TSC2: variants seen among roughly 807,000 people sequenced by gnomAD.
TSC2 encodes TSC complex subunit 2.
A neutral mutation model predicts 202.2 loss-of-function variants in TSC2; 29 were observed. The ratio of observed to expected loss-of-function variants is 0.14; its 90% confidence interval spans 0.11 to 0.20. The LOEUF (loss-of-function observed/expected upper bound fraction) is 0.20, where lower values mean the gene tolerates loss of function less well. TSC2 is among the 10% of genes least tolerant of loss of function. The pLI is 1.00. For missense variants in TSC2, 2,429 were observed against 2,420.0 expected (o/e 1.00, Z -0.08); for synonymous variants, 1,349 against 1,044.0 (o/e 1.29, Z -5.63).
In TSC2 at chr16:2,088,600, A is replaced by G. The variant is rs2091219993; in HGVS notation, c.5414A>G (p.Glu1805Gly). ...RLISSVEDFT[E>G]FV ...ATCTCCTCGGTGGAGGACTTCACCG[A>G]GTTTGTGTGAGGCCGGGGCCCTCCC... Residue 1805 changes from glutamate (E) to glycine (G), a missense_variant, in exon 42 of 42, where the codon GAG becomes GGG. Physicochemically the swap from Glu to Gly is moderately conservative, Grantham distance 98 (BLOSUM62 -2). Coordinates refer to ENST00000219476, the MANE Select transcript of TSC2 (RefSeq NM_000548.5). 6.2e-7 allele frequency: 1 copy of G among 1,604,200 alleles called. No individual in the cohort carries two copies. Among genetic ancestry groups the G allele is most frequent in the East Asian group, 2.2e-5 (1 of 44,826 alleles).
In TSC2 at chr16:2,088,819, C is replaced by T. The variant is rs911585648; in HGVS notation, c.*209C>T. ...CAGAAGTGGTACACAGAAGCAGGCACAGCCAGCTCCGAGGGCCTTGAGGCT... is the reference window on the plus strand; with the variant it reads ...CAGAAGTGGTACACAGAAGCAGGCATAGCCAGCTCCGAGGGCCTTGAGGCT... On this transcript the variant is annotated 3_prime_UTR_variant, in exon 42 of 42. Transcript: ENST00000219476. 1.5e-6 allele frequency: 1 copy of T among 675,104 alleles called. No homozygotes were observed. The highest frequency in any genetic ancestry group is 2.4e-6 in the Non-Finnish European group (1 of 408,358). 41.8% of individuals were successfully genotyped at this position (675,104 alleles called of 1,614,324 possible). A position where few individuals can be genotyped will look rare whatever the true frequency, so the allele number is the denominator to read the frequency against.
chr16:2,061,933 G>T lies in TSC2; in HGVS notation c.1182G>T (p.Leu394=), dbSNP rs779951754. 6.2e-7 allele frequency: 1 copy of T among 1,614,204 alleles called. No individual in the cohort carries two copies. Among genetic ancestry groups the T allele is most frequent in the South Asian group, 1.1e-5 (1 of 91,088 alleles). ...VHDLLTTVEE[L]CDQNEFHGSQ... is the part of the protein sequence containing the mutation. ...ACCTGTTGACCACGGTGGAGGAGCT[G>T]TGTGACCAGAACGAGTTCCACGGGT... Residue 394 remains leucine (L), a synonymous_variant, in exon 12 of 42, where the codon CTG becomes CTT. Transcript: ENST00000219476.
In TSC2 at chr16:2,075,912, C is replaced by A. The variant is rs764337376; in HGVS notation, c.2639+20C>A. The stretch of plus-strand genomic sequence containing the variant: ...CTCCAAGTGAGTGGTCGCCCCAGGC[C>A]CTGTGCCTCCCAGCCGTGGCCCCCG... On this transcript the variant is annotated intron_variant, in intron 23 of 41. Transcript: ENST00000219476. 6.8e-6 allele frequency: 11 copies of A among 1,612,932 alleles called. No individual in the cohort carries two copies. The East Asian group carries it at 2.4e-4, about 36-fold the overall frequency.
chr16:2,086,957 G>C, intron 38 of TSC2, 86 bp downstream of exon 38: 1 of 1,536,402 alleles, frequency 6.5e-7, no homozygotes. Context: ...TCCTCCCTGA[G>C]CTTCGGTCAC....
At chr16:2,083,470 C>A (rs1265299583) in intron 32 of TSC2, 16 of 733,352 alleles carry the variant, frequency 2.2e-5, no homozygotes, top group Non-Finnish European at 3.7e-5. Flanking sequence ...GATTGCCTGC[C>A]CAACCCCCGG....
At chr16:2,056,539 G>A (rs2151074736) in intron 7 of TSC2, 105 bp from the exon 8 acceptor site, 1 of 1,506,852 alleles carries the variant, frequency 6.6e-7, no homozygotes, top group Non-Finnish European at 8.9e-7. Flanking sequence ...GCAGCGGGGA[G>A]AGGTGGCAGC....
At chr16:2,048,455 G>A in intron 1 of TSC2, 132 bp from the exon 2 acceptor site, 2 of 1,186,068 alleles carry the variant, frequency 1.7e-6, no homozygotes, top group Non-Finnish European at 1.2e-6. Context: ...CTGTAGTTGA[G>A]TTCTCCCAGG....
rs777489742 is a variant in TSC2, at chr16:2,081,717, C to A, written c.3733C>A (p.Arg1245=). 16 of 1,612,848 alleles carry A rather than the reference C, an allele frequency of 9.9e-6. No individual in the cohort carries two copies. The Admixed American group carries it at 1.8e-4, about 18-fold the overall frequency. ...LMAAERFKEH[R]DTALYKSLSV... Reference sequence around the variant, plus strand: ...GGCGGCTGAGCGCTTCAAGGAGCACCGGGACACAGCCCTGTACAAGTCACT... The same window carrying A: ...GGCGGCTGAGCGCTTCAAGGAGCACAGGGACACAGCCCTGTACAAGTCACT... Residue 1245 remains arginine, a synonymous_variant, in exon 31 of 42, where the codon CGG becomes AGG. Coordinates refer to ENST00000219476, the MANE Select transcript of TSC2 (RefSeq NM_000548.5).
chr16:2,081,544 T>G (rs2151479788), intron 30 of TSC2, 51 bp from the exon 31 acceptor site: 1 of 1,608,802 alleles, frequency 6.2e-7, no homozygotes, highest in Non-Finnish European at 8.5e-7. Flanking sequence ...GGGCCAGAGA[T>G]GGGTAAGGGG....
intron 35 of TSC2, 32 bp from the exon 36 acceptor site, chr16:2,085,198 C>T (rs765188460): frequency 6.2e-6 from 10 of 1,612,238 alleles, no homozygotes; most frequent in African/African-American, 1.3e-5. Flanking sequence ...GGACGGGCGT[C>T]TGGGGCTCAG....
At chr16:2,081,298 G>T (rs1486509748) in intron 30 of TSC2, 1 of 468,456 alleles carries the variant, frequency 2.1e-6, no homozygotes, top group Non-Finnish European at 4.0e-6. Context: ...CGTGGCTGAG[G>T]GGTGCAAAGA....
chr16:2,082,620 G>A, intron 32 of TSC2, 116 bp downstream of exon 32: 1 of 1,211,858 alleles, frequency 8.3e-7, no homozygotes, highest in Non-Finnish European at 1.2e-6. Flanking sequence ...TTGCCCTGGG[G>A]AGCAGGTCCC....
At chr16:2,087,796 G>A (rs2091029954) in intron 38 of TSC2, 67 bp from the exon 39 acceptor site, 3 of 1,572,188 alleles carry the variant, frequency 1.9e-6, no homozygotes, top group Non-Finnish European at 2.6e-6. Flanking sequence ...GTGCAACCAG[G>A]CAGTAGCCGA....
chr16:2,088,027 G>A lies in TSC2; in HGVS notation c.5069-21G>A, dbSNP rs45517390. Reference sequence around the variant, plus strand: ...TGGCGCCAAGAGCCCTGGGCCTGGCGTGACCACCAAGTCTCCCCAGACATG... The same window carrying A: ...TGGCGCCAAGAGCCCTGGGCCTGGCATGACCACCAAGTCTCCCCAGACATG... On this transcript the variant is annotated intron_variant, in intron 39 of 41. Coordinates refer to ENST00000219476, the MANE Select transcript of TSC2 (RefSeq NM_000548.5). 1.5e-4 allele frequency: 238 copies of A among 1,611,618 alleles called. No individual in the cohort carries two copies. In the East Asian group the frequency reaches 3.8e-3, roughly 26 times the overall value.
At chr16:2,050,168 G>A (rs1596244270) in intron 2 of TSC2, among the ~76,000 whole-genome samples, 1 of 152,116 alleles carries the variant, frequency 6.6e-6, no homozygotes, top group Non-Finnish European at 1.5e-5. Context: ...TGTTGGGCAG[G>A]CTGGTCTCAA....
intron 15 of TSC2, 34 bp from the exon 16 acceptor site, chr16:2,065,485 A>C (rs375032470): frequency 4.6e-6 from 7 of 1,533,326 alleles, no homozygotes; most frequent in Non-Finnish European, 6.3e-6. Context: ...CAGAACCATG[A>C]GCCTGTGTGT....
chr16:2,048,547 G>C (rs1199347060), intron 1 of TSC2, 40 bp from the exon 2 acceptor site: 1 of 1,612,366 alleles, frequency 6.2e-7, no homozygotes, highest in East Asian at 2.2e-5. Flanking sequence ...GTGGGCAGAG[G>C]TGTTGCTCAG....
rs397515306 is a variant in TSC2, at chr16:2,077,723, G to A, written c.2963G>A (p.Arg988His). ...RSISVSEHVV[R>H]SRIQTSLTSA... ...ATCAGTGTGTCTGAACATGTGGTCC[G>A]CAGGTAGCGGGACTGTCGGGTGGGG... is the stretch of plus-strand genomic sequence containing the variant. The change falls in exon 26 of 42, where the codon CGC becomes CAC. Residue 988 changes from arginine (R) to histidine (H), a missense_variant. Arg to His is a conservative substitution (Grantham distance 29, BLOSUM62 0). Coordinates refer to ENST00000219476, the MANE Select transcript of TSC2 (RefSeq NM_000548.5). 4.4e-5 allele frequency: 71 copies of A among 1,612,520 alleles called. No homozygotes were observed. The highest frequency in any genetic ancestry group is 5.0e-5 in the Non-Finnish European group (59 of 1,179,994).
chr16:2,063,555 G>A (rs2086898715), intron 14 of TSC2: 1 of 254,154 alleles, frequency 3.9e-6, no homozygotes, highest in African/African-American at 2.2e-5. Flanking sequence ...CCCTTTCCCA[G>A]GAGGCGCAGC....
Sources: allele counts gnomAD v4.1 joint callset (sites outside exome capture counted in the v4.1 genomes callset), GRCh38; gene constraint gnomAD v4.1.1; transcripts MANE v1.5; gene names NCBI Gene and HGNC (gene_info 2026-07-23, HGNC 2026-07-21).